Variants in ACTN4 observed in about 807,000 individuals in gnomAD.
ACTN4 encodes the protein alpha-actinin-4.
A neutral mutation model predicts 114.2 loss-of-function variants in ACTN4; 18 were observed. That is an observed-to-expected ratio of 0.16 (90% CI 0.11 to 0.23). The LOEUF (loss-of-function observed/expected upper bound fraction) is 0.23. ACTN4 is among the 10% of genes least tolerant of loss of function. The pLI, the probability that ACTN4 is intolerant of heterozygous loss-of-function variation, is 1.00. For synonymous variants in ACTN4, 515 were observed against 506.3 expected, an observed-to-expected ratio of 1.02 and a Z score of -0.23; for missense variants, 722 against 1,262.9, an observed-to-expected ratio of 0.57 and a Z score of 6.49.
At chr19:38,675,294 AT>A (rs1160053998) in intron 1 of ACTN4, among the ~76,000 whole-genome samples, 1 of 152,152 alleles carries the variant, frequency 6.6e-6, no homozygotes, top group African/African-American at 2.4e-5. Flanking sequence ...GTTTTGTTGC[AT>A]TTTTGAGGCA....
At position 38,662,519 on chromosome 19, in the gene ACTN4, T is replaced by C. The variant is rs77592066; in HGVS notation, c.162+14612T>C. Among the ~76,000 whole-genome samples, 161 of 152,362 alleles carry C rather than the reference T, an allele frequency of 1.1e-3. 2 individuals carry two copies. The East Asian group carries it at 0.026, about 24-fold the overall frequency. Reference sequence around the variant, plus strand: ...TTCCATTCTCCTGGCAGCATAGCCATGTGAACTTGTTAAATCTTTTAAGTA... The same window carrying C: ...TTCCATTCTCCTGGCAGCATAGCCACGTGAACTTGTTAAATCTTTTAAGTA... On this transcript the variant is annotated intron_variant, in intron 1 of 20. Coordinates refer to ENST00000252699, the MANE Select transcript of ACTN4 (RefSeq NM_004924.6).
chr19:38,686,564 G>A (rs1967749789), intron 1 of ACTN4, among the ~76,000 whole-genome samples: 1 of 152,212 alleles, frequency 6.6e-6, no homozygotes, highest in South Asian at 2.1e-4. Context: ...TTTTGGGAGT[G>A]TAAGTTTCCT....
At chr19:38,669,810 T>G (rs1967076674) in intron 1 of ACTN4, among the ~76,000 whole-genome samples, 1 of 152,034 alleles carries the variant, frequency 6.6e-6, no homozygotes, top group Non-Finnish European at 1.5e-5. Context: ...TTGGGGACAC[T>G]TTGGAATATG....
At chr19:38,701,337 C>T (rs952099328) in intron 3 of ACTN4, among the ~76,000 whole-genome samples, 1 of 152,164 alleles carries the variant, frequency 6.6e-6, no homozygotes, top group African/African-American at 2.4e-5. Flanking sequence ...CCGGTGGGCG[C>T]AGTCCAAATC....
intron 9 of ACTN4, 147 bp from the exon 10 acceptor site, chr19:38,716,939 G>A (rs1047580489): frequency 2.8e-4 from 244 of 872,120 alleles, no homozygotes; most frequent in Middle Eastern, 3.1e-4. Flanking sequence ...AGCAGGAATC[G>A]TGGAGAAGTT....
intron 19 of ACTN4, among the ~76,000 whole-genome samples, chr19:38,728,627 T>C (rs1568752372): frequency 6.6e-6 from 1 of 152,058 alleles, no homozygotes; most frequent in Non-Finnish European, 1.5e-5. Flanking sequence ...AGGGGGCAGC[T>C]CTCCCACTCT....
intron 1 of ACTN4, among the ~76,000 whole-genome samples, chr19:38,692,853 G>A (rs1967973704): frequency 6.6e-6 from 1 of 152,208 alleles, no homozygotes; most frequent in Admixed American, 6.5e-5. Flanking sequence ...AGCAGGCAAG[G>A]TGGAAGTTCA....
At chr19:38,710,167 C>G (rs1968594849) in intron 7 of ACTN4, 90 bp from the exon 8 acceptor site, 2 of 1,377,958 alleles carry the variant, frequency 1.5e-6, no homozygotes, top group Non-Finnish European at 1.0e-6. Context: ...TCCCCCAAGG[C>G]CGTGGCCTTG....
intron 1 of ACTN4, among the ~76,000 whole-genome samples, chr19:38,661,685 C>T (rs907690315): frequency 2.0e-5 from 3 of 152,178 alleles, no homozygotes; most frequent in Non-Finnish European, 4.4e-5. Flanking sequence ...CGGAGTCTCA[C>T]TCTGTTGCCC....
intron 1 of ACTN4, among the ~76,000 whole-genome samples, chr19:38,697,530 G>T (rs529971699): frequency 6.6e-6 from 1 of 152,384 alleles, no homozygotes; most frequent in South Asian, 2.1e-4. Context: ...AGTAGGTAAA[G>T]TCACTTGGTT....
In ACTN4 at chr19:38,701,096, C is replaced by G. The variant is rs761334577; in HGVS notation, c.372C>G (p.Val124=). 13 of 1,613,984 alleles carry G rather than the reference C, an allele frequency of 8.1e-6. No homozygotes were observed. Among genetic ancestry groups the G allele is most frequent in the Non-Finnish European group, 1.1e-5 (13 of 1,180,052 alleles). The change falls in exon 3 of 21, where the codon GTC becomes GTG. Residue 124 remains valine (V), a synonymous_variant. Coordinates refer to ENST00000252699, the MANE Select transcript of ACTN4 (RefSeq NM_004924.6). ...KALDFIASKG[V]KLVSIGAEEI... is the part of the protein sequence containing the mutation. The stretch of plus-strand genomic sequence containing the variant: ...TGGACTTTATTGCCAGCAAAGGCGT[C>G]AAGCTGGTCTCCATCGGGGCAGAAG...
intron 1 of ACTN4, among the ~76,000 whole-genome samples, chr19:38,691,574 C>T (rs1967932512): frequency 6.6e-6 from 1 of 151,890 alleles, no homozygotes; most frequent in Non-Finnish European, 1.5e-5. Context: ...AAGTCTTAGA[C>T]CAGTATTTCT....
In ACTN4 at chr19:38,721,542, G is replaced by T. The variant is rs751821067; in HGVS notation, c.1296G>T (p.Lys432Asn). Residue 432 changes from lysine (K) to asparagine (N), a missense_variant, in exon 12 of 21, where the codon AAG (lysine) becomes AAT (asparagine). Lys to Asn is a moderately conservative substitution (Grantham distance 94). Transcript: ENST00000252699. The part of the protein sequence containing the change: ...ASIHEAWTDG[K>N]EAMLKHRDYE... The stretch of plus-strand genomic sequence containing the variant: ...GCGTCTCTCTGCTCCTACCAGGGAA[G>T]GAAGCCATGCTGAAGCACCGGGACT... The T allele has an allele frequency of 6.2e-7, 1 of 1,613,934 alleles. No homozygotes were observed. Among genetic ancestry groups the T allele is most frequent in the Non-Finnish European group, 8.5e-7 (1 of 1,180,038 alleles).
chr19:38,647,923 G>T lies in ACTN4; in HGVS notation c.162+16G>T. The T allele has an allele frequency of 1.4e-6, 2 of 1,480,296 alleles. No homozygotes were observed. The highest frequency in any genetic ancestry group is 1.8e-6 in the Non-Finnish European group (2 of 1,114,292). The allele number at this position is 1,480,296 out of a possible 1,614,324, so 91.7% of individuals were successfully genotyped here. A position where few individuals can be genotyped will look rare whatever the true frequency, so the allele number is the denominator to read the frequency against. ...GCAGCGCAAGGTGCGCGGCCCGCGGGCCGGACGGGCTGGAGGGGCTTTTCT... is the reference window on the plus strand; with the variant it reads ...GCAGCGCAAGGTGCGCGGCCCGCGGTCCGGACGGGCTGGAGGGGCTTTTCT... On this transcript the variant is annotated intron_variant, in intron 1 of 20. Coordinates refer to ENST00000252699, the MANE Select transcript of ACTN4 (RefSeq NM_004924.6).
At chr19:38,655,375 C>T (rs1976683720) in intron 1 of ACTN4, among the ~76,000 whole-genome samples, 1 of 152,166 alleles carries the variant, frequency 6.6e-6, no homozygotes, top group African/African-American at 2.4e-5. Context: ...GACCCACCAG[C>T]ACCAAGCAGA....
rs770442121 is a variant in ACTN4, at chr19:38,726,937, A to C, written c.2191-20A>C. The C allele has an allele frequency of 6.2e-7, 1 of 1,613,156 alleles. No homozygotes were observed. On this transcript the variant is annotated intron_variant, in intron 17 of 20. Transcript: ENST00000252699. ...AGTTCACAGCACCCGGCCCACGATC[A>C]CGCCCCCGTCTTTCCGCAGCACATC...
Position 38,727,627 on chromosome 19 carries a change from A to ACCC in ACTN4, c.2338-311_2338-309dup, listed in dbSNP as rs3214908. ...ACTCCAAATCCCAAAGGCAAGGAGA[A>ACCC]CCCCCCCCCCGACCCTCCACCAGTC... is the stretch of plus-strand genomic sequence containing the variant. On this transcript the variant is annotated intron_variant, in intron 18 of 20. Transcript: ENST00000252699. The surrounding 1 kb of genome is among the most constrained non-coding windows in gnomAD (Gnocchi z 5.4). Among the ~76,000 whole-genome samples, 5 of 123,570 alleles carry ACCC rather than the reference A, an allele frequency of 4.0e-5. No individual in the cohort carries two copies. The highest frequency in any genetic ancestry group is 3.4e-4 in the South Asian group (1 of 2,902). 81.1% of individuals were successfully genotyped at this position (123,570 alleles called of 152,430 possible).
intron 1 of ACTN4, among the ~76,000 whole-genome samples, chr19:38,663,614 AG>A (rs1007535914): frequency 1.8e-4 from 27 of 152,164 alleles, no homozygotes; most frequent in Non-Finnish European, 1.0e-4. Flanking sequence ...CAGGTTGCCG[AG>A]GGCAAGTATT....
At position 38,721,532 on chromosome 19, in the gene ACTN4, T is replaced by C. The variant is rs764623972; in HGVS notation, c.1292-6T>C. 6.2e-7 allele frequency: 1 copy of C among 1,613,786 alleles called. No individual in the cohort carries two copies. Among genetic ancestry groups the C allele is most frequent in the Non-Finnish European group, 8.5e-7 (1 of 1,180,012 alleles). On this transcript the variant is annotated splice_region_variant and splice_polypyrimidine_tract_variant and intron_variant, in intron 11 of 20. Transcript: ENST00000252699. The stretch of plus-strand genomic sequence containing the variant: ...TGTGGTCTAAGCGTCTCTCTGCTCC[T>C]ACCAGGGAAGGAAGCCATGCTGAAG...
Sources: allele counts gnomAD v4.1 joint callset (sites outside exome capture counted in the v4.1 genomes callset), GRCh38; gene constraint gnomAD v4.1.1; non-coding constraint Gnocchi (gnomAD v3.1); transcripts MANE v1.5; gene names NCBI Gene and HGNC (gene_info 2026-07-23, HGNC 2026-07-21).